The following GNAQ variants were observed in gnomAD, a reference collection of about 807,000 sequenced individuals.
GNAQ encodes the protein guanine nucleotide-binding protein G(q) subunit alpha.
In GNAQ, 8 loss-of-function variants were observed where a neutral mutation model predicts 43.9. The observed-to-expected ratio is 0.18, with a 90% CI of 0.11 to 0.33. GNAQ has a LOEUF of 0.33. Among genes scored for constraint, GNAQ ranks in the 10% least tolerant of loss-of-function variants. The probability of loss-of-function intolerance (pLI) is 1.00; values close to 1 mark genes in which losing one functional copy is unlikely to be tolerated. For missense variants in GNAQ, 158 were observed against 450.8 expected (o/e 0.35, Z 5.88); for synonymous variants, 155 against 170.7 (o/e 0.91, Z 0.71).
chr9:77,819,002 CAAAAAAA>C (rs10547681), intron 2 of GNAQ, among the ~76,000 whole-genome samples: 1 of 45,286 alleles, frequency 2.2e-5, no homozygotes, highest in African/African-American at 1.1e-4. Flanking sequence ...ACCATCTCTC[CAAAAAAA>C]AAAAAAAAAA....
Position 77,998,256 on chromosome 9 carries a change from T to C in GNAQ, c.136+32844A>G, listed in dbSNP as rs368859865. Among the ~76,000 whole-genome samples the C allele has an allele frequency of 9.2e-5, 14 of 152,322 alleles. No homozygotes were observed. The South Asian group carries it at 2.9e-3, about 32-fold the overall frequency. ...AGAGCAGACAACAAATGAGGAGAGATAGGGCAACGGCACCTCTCATGCTGC... is the reference window on the plus strand; with the variant it reads ...AGAGCAGACAACAAATGAGGAGAGACAGGGCAACGGCACCTCTCATGCTGC... On this transcript the variant is annotated intron_variant, in intron 1 of 6. Coordinates refer to ENST00000286548, the MANE Select transcript of GNAQ (RefSeq NM_002072.5).
chr9:78,024,838 T>A (rs1034579725), intron 1 of GNAQ, among the ~76,000 whole-genome samples: 19 of 151,918 alleles, frequency 1.3e-4, no homozygotes, highest in African/African-American at 4.3e-4. Flanking sequence ...TTATGCCTGG[T>A]TAAAAAAAAA....
At chr9:77,815,810 T>C in intron 2 of GNAQ, 40 bp from the exon 3 acceptor site, 1 of 1,444,616 alleles carries the variant, frequency 6.9e-7, no homozygotes, top group Non-Finnish European at 9.6e-7. Flanking sequence ...ACCCTATTAC[T>C]TTCCAAATTT....
At chr9:78,008,624 T>TTTCATTTCATTTC (rs1564177037) in intron 1 of GNAQ, among the ~76,000 whole-genome samples, 1 of 134,076 alleles carries the variant, frequency 7.5e-6, no homozygotes, top group East Asian at 2.2e-4. Flanking sequence ...CATTTCATTT[T>TTTCATTTCATTTC]ATTTTATTTT....
intron 2 of GNAQ, among the ~76,000 whole-genome samples, chr9:77,909,167 A>G (rs1005478156): frequency 6.6e-6 from 1 of 152,204 alleles, no homozygotes; most frequent in Non-Finnish European, 1.5e-5. Context: ...CGCCACCCAC[A>G]AAGCATATGG....
chr9:77,911,852 T>C (rs921642380), intron 2 of GNAQ, among the ~76,000 whole-genome samples: 3 of 152,048 alleles, frequency 2.0e-5, no homozygotes, highest in Admixed American at 1.3e-4. Context: ...TCACCCTTCA[T>C]AAATAAGGAC....
rs193046662 is a variant in GNAQ at position 77,912,310 on chromosome 9, G to A, written c.321+9851C>T. Among the ~76,000 whole-genome samples, 333 of 152,264 alleles carry A rather than the reference G, an allele frequency of 2.2e-3. 3 individuals are homozygous for A. In the East Asian group the frequency reaches 0.023, roughly 11 times the overall value. Reference sequence around the variant, plus strand: ...ACTGTATTGCTCTGGGTAAAGGATGGTCATTTCAATAAATGAATTGGGTTA... The same window carrying A: ...ACTGTATTGCTCTGGGTAAAGGATGATCATTTCAATAAATGAATTGGGTTA... On this transcript the variant is annotated intron_variant, in intron 2 of 6. Transcript: ENST00000286548.
Position 77,761,088 on chromosome 9 carries a change from C to T in GNAQ, c.736-32421G>A, listed in dbSNP as rs575946864. Among the ~76,000 whole-genome samples the T allele has an allele frequency of 2.4e-4, 36 of 152,108 alleles. No individual in the cohort carries two copies. The East Asian group carries it at 4.5e-3, about 19-fold the overall frequency. On this transcript the variant is annotated intron_variant, in intron 5 of 6. Coordinates refer to ENST00000286548, the MANE Select transcript of GNAQ (RefSeq NM_002072.5). ...CTGGGAAGTGAGGAGCGTCTCTGCC[C>T]GGCAGCCGCCCTGTCCAGGAGGGAG...
chr9:77,971,430 C>T (rs538325764), intron 1 of GNAQ, among the ~76,000 whole-genome samples: 1 of 152,276 alleles, frequency 6.6e-6, no homozygotes, highest in East Asian at 1.9e-4. Context: ...GCTTATCTAC[C>T]ACAATTAAGA....
At chr9:77,888,469 A>G (rs1322348741) in intron 2 of GNAQ, among the ~76,000 whole-genome samples, 1 of 152,214 alleles carries the variant, frequency 6.6e-6, no homozygotes, top group African/African-American at 2.4e-5. Flanking sequence ...TCCTGAGCAG[A>G]GTGGGGTAAA....
At chr9:77,881,074 T>A (rs1828199553) in intron 2 of GNAQ, among the ~76,000 whole-genome samples, 1 of 152,344 alleles carries the variant, frequency 6.6e-6, no homozygotes. Context: ...AGTATCTCAG[T>A]GAGGCTGACA....
chr9:77,749,902 AT>A lies in GNAQ; in HGVS notation c.736-21236del, dbSNP rs1183915323. 5.3e-5 allele frequency among the ~76,000 whole-genome samples: 8 copies of A among 152,252 alleles called. No homozygotes were observed. The East Asian group carries it at 1.2e-3, about 22-fold the overall frequency. ...AATGGGTTTTGATGTGATGAAAAAA[AT>A]ATTGTGTATATTTTTTTCATACATT... On this transcript the variant is annotated intron_variant, in intron 5 of 6. Transcript: ENST00000286548.
chr9:77,772,649 C>T (rs541357542), intron 5 of GNAQ, among the ~76,000 whole-genome samples: 1 of 152,304 alleles, frequency 6.6e-6, no homozygotes, highest in South Asian at 2.1e-4. Context: ...AACCAAACTC[C>T]TGGTTCAAGG....
chr9:78,027,712 T>C (rs550416203), intron 1 of GNAQ, among the ~76,000 whole-genome samples: 26 of 147,650 alleles, frequency 1.8e-4, no homozygotes, highest in Non-Finnish European at 2.8e-4. Flanking sequence ...GGTCGCGCCA[T>C]TGCACTCCAG....
chr9:77,862,647 G>C lies in GNAQ; in HGVS notation c.322-46877C>G, dbSNP rs112668208. The stretch of plus-strand genomic sequence containing the variant: ...CAGGTTTGTTATAGGAGAGGGTGCT[G>C]AAAAGGTCTCTGACATGCCCTGGAA... On this transcript the variant is annotated intron_variant, in intron 2 of 6. Coordinates refer to ENST00000286548, the MANE Select transcript of GNAQ (RefSeq NM_002072.5). Among the ~76,000 whole-genome samples the C allele has an allele frequency of 6.6e-3, 1,000 of 152,302 alleles. 6 individuals carry two copies. Among genetic ancestry groups the C allele is most frequent in the African/African-American group, 0.023 (946 of 41,570 alleles).
chr9:77,983,788 G>C (rs1411095925), intron 1 of GNAQ, among the ~76,000 whole-genome samples: 1 of 151,922 alleles, frequency 6.6e-6, no homozygotes, highest in East Asian at 2.0e-4. Flanking sequence ...TGACTGAAAT[G>C]ACCACTGACT....
At chr9:77,794,880 T>C (rs1214293405) in intron 4 of GNAQ, among the ~76,000 whole-genome samples, 1 of 152,192 alleles carries the variant, frequency 6.6e-6, no homozygotes, top group Admixed American at 6.5e-5. Context: ...CAAAATGGTA[T>C]TTTATTTAAT....
chr9:77,942,511 G>T (rs1829330348), intron 1 of GNAQ, among the ~76,000 whole-genome samples: 1 of 152,142 alleles, frequency 6.6e-6, no homozygotes, highest in Non-Finnish European at 1.5e-5. Flanking sequence ...GAACTGGCAT[G>T]CTGGATGAAA....
chr9:77,966,999 A>G (rs1479204308), intron 1 of GNAQ, among the ~76,000 whole-genome samples: 1 of 152,084 alleles, frequency 6.6e-6, no homozygotes, highest in African/African-American at 2.4e-5. Flanking sequence ...CCCTCTTCAC[A>G]GTCTTTCTCA....
Sources: gnomAD v4.1 joint callset for allele counts (sites outside exome capture counted in the v4.1 genomes callset) on GRCh38, gnomAD v4.1.1 for gene constraint, MANE v1.5 for transcripts, NCBI Gene and HGNC (gene_info 2026-07-23, HGNC 2026-07-21) for gene names.